The following PLA2G3 variants were observed in gnomAD, a reference collection of about 807,000 sequenced individuals.
The protein encoded by PLA2G3 is phospholipase A2 group III.
A neutral mutation model predicts 51.3 loss-of-function variants in PLA2G3; 39 were observed. The ratio of observed to expected loss-of-function variants is 0.76; its 90% CI spans 0.59 to 0.99. PLA2G3 has a LOEUF of 0.99. Among genes scored for constraint, PLA2G3 ranks in the 50% least tolerant of loss-of-function variants. The pLI, the probability that PLA2G3 is intolerant of heterozygous loss-of-function variation, is 0.00. For missense variants in PLA2G3, 677 were observed against 662.1 expected (o/e 1.02, Z -0.25); for synonymous variants, 293 against 263.1 (o/e 1.11, Z -1.10).
chr22:31,139,454 A>T (rs1482904168), intron 1 of PLA2G3, among the ~76,000 whole-genome samples: 1 of 152,136 alleles, frequency 6.6e-6, no homozygotes, highest in Admixed American at 6.5e-5. Context: ...TGACTTGCTC[A>T]GCTTGTATGT....
In PLA2G3 at chr22:31,135,743, G is replaced by A. The variant is rs1178784183; in HGVS notation, c.1510C>T (p.Gln504Ter). ...TQAARRPDRQQKSWSQ is the reference protein window; with the variant it reads ...TQAARRPDRQ ...TGAGGTCACTGGCTCCAGGACTTCT[G>A]CTGCCTGTCGGGTCTCCTGGCTGCC... is the stretch of plus-strand genomic sequence containing the variant. The change falls in exon 7 of 7, where the codon CAG becomes TAG. Residue 504 changes from glutamine (Q) to a stop codon, truncating the protein, a stop_gained. Coordinates refer to ENST00000215885, the MANE Select transcript of PLA2G3 (RefSeq NM_015715.5). LOFTEE classifies it high-confidence loss of function. The A allele has an allele frequency of 6.2e-7, 1 of 1,613,482 alleles. No homozygotes were observed.
At chr22:31,138,525 T>C (rs915269820) in intron 2 of PLA2G3, 115 bp from the exon 3 acceptor site, 7 of 1,505,004 alleles carry the variant, frequency 4.7e-6, no homozygotes, top group Non-Finnish European at 5.5e-6. Context: ...CCCTTCTTTC[T>C]GGCCTCAGCT....
intron 6 of PLA2G3, 46 bp downstream of exon 6, chr22:31,136,637 C>T (rs1221303038): frequency 4.0e-6 from 6 of 1,517,316 alleles, no homozygotes; most frequent in Non-Finnish European, 5.5e-6. Flanking sequence ...AGGCAACCCA[C>T]CCTTTGAGAA....
chr22:31,138,162 C>T, intron 3 of PLA2G3, 114 bp downstream of exon 3: 1 of 1,406,882 alleles, frequency 7.1e-7, no homozygotes, highest in Admixed American at 2.1e-5. Context: ...AGAGGACATG[C>T]AGGATGGGAC....
rs1333424013 is a variant in PLA2G3, at chr22:31,138,413, G to GC, written c.648-4dup. 1 of 1,613,608 alleles carries GC rather than the reference G, an allele frequency of 6.2e-7. No individual in the cohort carries two copies. The highest frequency in any genetic ancestry group is 1.3e-5 in the African/African-American group (1 of 74,894). Reference sequence around the variant, plus strand: ...GATTCTGTAGGCATTGCTGAAACCTGCCCCAGAACAGATACCCAGGACCCT... The same window carrying GC: ...GATTCTGTAGGCATTGCTGAAACCTGCCCCCAGAACAGATACCCAGGACCCT... On this transcript the variant is annotated splice_polypyrimidine_tract_variant and splice_region_variant and intron_variant, in intron 2 of 6. Coordinates refer to ENST00000215885, the MANE Select transcript of PLA2G3 (RefSeq NM_015715.5).
At position 31,140,138 on chromosome 22, in the gene PLA2G3, A is replaced by C; in HGVS notation, c.217T>G (p.Trp73Gly). 6.2e-7 allele frequency: 1 copy of C among 1,612,978 alleles called. No individual in the cohort carries two copies. Among genetic ancestry groups the C allele is most frequent in the Non-Finnish European group, 8.5e-7 (1 of 1,179,980 alleles). Residue 73 changes from tryptophan (W) to glycine (G), a missense_variant, in exon 1 of 7, where the codon TGG becomes GGG. Coordinates refer to ENST00000215885, the MANE Select transcript of PLA2G3 (RefSeq NM_015715.5). ...DAHRRLQSCS[W>G]EDEPELTAAY... ...GCGGTGAGCTCCGGCTCATCCTCCC[A>C]GCTACATGACTGCAGCCTCCTATGC...
chr22:31,135,250 C>G lies in PLA2G3; in HGVS notation c.*473G>C, dbSNP rs1922492959. ...CCCACCCCAATCCTGGATTCAGACACAGACATTTCTGTGACATCCCTAACT... is the reference window on the plus strand; with the variant it reads ...CCCACCCCAATCCTGGATTCAGACAGAGACATTTCTGTGACATCCCTAACT... On this transcript the variant is annotated 3_prime_UTR_variant, in exon 7 of 7. Transcript: ENST00000215885. The G allele has an allele frequency of 6.3e-6, 1 of 158,498 alleles. No homozygotes were observed. The highest frequency in any genetic ancestry group is 6.1e-5 in the Admixed American group (1 of 16,458). The allele number at this position is 158,498 out of a possible 1,614,324, so 9.8% of individuals were successfully genotyped here.
rs148594526 is a variant in PLA2G3, at chr22:31,135,110, G to A, written c.*613C>T. On this transcript the variant is annotated 3_prime_UTR_variant, in exon 7 of 7. Transcript: ENST00000215885. ...AGAGTGCAAGAGGGAGGTCCTTTGC[G>A]CAAAGGCATGGAGGAGATTTGAATT... 397 of 153,014 alleles carry A rather than the reference G, an allele frequency of 2.6e-3. No individual in the cohort carries two copies. Among genetic ancestry groups the A allele is most frequent in the Non-Finnish European group, 4.4e-3 (303 of 68,678 alleles). 9.5% of individuals were successfully genotyped at this position (153,014 alleles called of 1,614,324 possible).
intron 2 of PLA2G3, 52 bp from the exon 3 acceptor site, chr22:31,138,462 C>T (rs982568147): frequency 8.8e-6 from 14 of 1,597,204 alleles, no homozygotes; most frequent in Non-Finnish European, 1.1e-5. Flanking sequence ...CTGTCTGGCT[C>T]CTCCCACAGC....
chr22:31,136,827 G>C lies in PLA2G3; in HGVS notation c.1200-28C>G, dbSNP rs759925218. On this transcript the variant is annotated intron_variant, in intron 5 of 6. Transcript: ENST00000215885. ...GAGAACAGAGGCAGGCTCAGGCCGG[G>C]GCAGGGCCTTGCCAGCCAGGGGCCC... 5.0e-6 allele frequency: 8 copies of C among 1,604,428 alleles called. No homozygotes were observed. The South Asian group carries it at 8.8e-5, about 18-fold the overall frequency.
In PLA2G3 at chr22:31,138,003, G is replaced by A. The variant is rs1240717609; in HGVS notation, c.783-10C>T. ...GCCGTACATCCTACACCTGGGTGGT[G>A]GCAGTTGGTGGAAATTGGTGACTGG... On this transcript the variant is annotated splice_polypyrimidine_tract_variant and intron_variant, in intron 3 of 6. Coordinates refer to ENST00000215885, the MANE Select transcript of PLA2G3 (RefSeq NM_015715.5). The A allele has an allele frequency of 7.2e-6, 11 of 1,530,868 alleles. No homozygotes were observed. The highest frequency in any genetic ancestry group is 8.7e-6 in the Non-Finnish European group (10 of 1,145,422). 94.8% of individuals were successfully genotyped at this position (1,530,868 alleles called of 1,614,324 possible).
rs1346826110 is a variant in PLA2G3, at chr22:31,137,983, A to C, written c.793T>G (p.Tyr265Asp). 1 of 1,562,554 alleles carries C rather than the reference A, an allele frequency of 6.4e-7. No individual in the cohort carries two copies. The highest frequency in any genetic ancestry group is 8.6e-7 in the Non-Finnish European group (1 of 1,158,796). The stretch of plus-strand genomic sequence containing the variant: ...AGGCGAGCGAGGGGCACTGTGCCGT[A>C]CATCCTACACCTGGGTGGTGGCAGT... ...AWYWWGGCRM[Y>D]GTVPLARLQP... The change falls in exon 4 of 7, where the codon TAC becomes GAC. Residue 265 changes from tyrosine (Y) to aspartate (D), a missense_variant. By Grantham distance (160) the Tyr-to-Asp change is radical. Coordinates refer to ENST00000215885, the MANE Select transcript of PLA2G3 (RefSeq NM_015715.5).
At chr22:31,136,856 C>G in intron 5 of PLA2G3, 52 bp downstream of exon 5, 2 of 1,602,090 alleles carry the variant, frequency 1.2e-6, no homozygotes. Flanking sequence ...GGGGCCCCTT[C>G]CCATGCCTGG....
At chr22:31,137,631 G>A in intron 4 of PLA2G3, 79 bp downstream of exon 4, 2 of 1,298,356 alleles carry the variant, frequency 1.5e-6, no homozygotes, top group South Asian at 2.9e-5. Context: ...AGGAAAAGAG[G>A]CAACACATGG....
rs1922509906 is a variant in PLA2G3 at position 31,135,618 on chromosome 22, C to T, written c.*105G>A. ...TCCTCTTGATTGTCCACAACAGCCT[C>T]TGCCATGCTTCAGTCTAACCTACGG... On this transcript the variant is annotated 3_prime_UTR_variant, in exon 7 of 7. Coordinates refer to ENST00000215885, the MANE Select transcript of PLA2G3 (RefSeq NM_015715.5). 6 of 828,964 alleles carry T rather than the reference C, an allele frequency of 7.2e-6. No homozygotes were observed. The South Asian group carries it at 9.4e-5, about 13-fold the overall frequency. The allele number at this position is 828,964 out of a possible 1,614,324, so 51.4% of individuals were successfully genotyped here.
In PLA2G3 at chr22:31,140,404, T is replaced by A; in HGVS notation, c.-50A>T. On this transcript the variant is annotated 5_prime_UTR_variant, in exon 1 of 7. Coordinates refer to ENST00000215885, the MANE Select transcript of PLA2G3 (RefSeq NM_015715.5). The stretch of plus-strand genomic sequence containing the variant: ...ACAAAGCCCCTGGGATGCCTGCCCT[T>A]GGTGGCCCCACCAGGCGGCAGCTGA... The A allele has an allele frequency of 6.6e-7, 1 of 1,512,504 alleles. No homozygotes were observed. Among genetic ancestry groups the A allele is most frequent in the Non-Finnish European group, 8.8e-7 (1 of 1,138,612 alleles). The allele number at this position is 1,512,504 out of a possible 1,614,324, so 93.7% of individuals were successfully genotyped here. A position where few individuals can be genotyped will look rare whatever the true frequency, so the allele number is the denominator to read the frequency against.
chr22:31,138,590 C>A, intron 2 of PLA2G3, 77 bp downstream of exon 2: 2 of 1,572,342 alleles, frequency 1.3e-6, no homozygotes, highest in South Asian at 2.3e-5. Context: ...CCTCTGCAAT[C>A]CCAATGTCTA....
intron 2 of PLA2G3, 55 bp downstream of exon 2, chr22:31,138,612 A>C: frequency 1.9e-6 from 3 of 1,587,824 alleles, no homozygotes; most frequent in South Asian, 1.1e-5. Context: ...TTACCCAGGA[A>C]CTGGGTAACT....
At chr22:31,138,610 G>C in intron 2 of PLA2G3, 57 bp downstream of exon 2, 5 of 1,586,690 alleles carry the variant, frequency 3.2e-6, no homozygotes, top group Non-Finnish European at 4.3e-6. Flanking sequence ...AGTTACCCAG[G>C]AACTGGGTAA....
Sources: gnomAD v4.1 joint callset for allele counts (sites outside exome capture counted in the v4.1 genomes callset) on GRCh38, gnomAD v4.1.1 for gene constraint, MANE v1.5 for transcripts, NCBI Gene and HGNC (gene_info 2026-07-23, HGNC 2026-07-21) for gene names.